The following ALDH8A1 variants were observed in gnomAD, a reference collection of about 807,000 sequenced individuals.
The protein encoded by ALDH8A1 is 2-aminomuconic semialdehyde dehydrogenase.
A neutral mutation model predicts 43.3 loss-of-function variants in ALDH8A1; 39 were observed. The observed-to-expected ratio is 0.90, with a 90% CI of 0.70 to 1.18. The LOEUF (loss-of-function observed/expected upper bound fraction) is 1.18. Among genes scored for constraint, ALDH8A1 ranks in the 50% most tolerant of loss-of-function variants. The probability of loss-of-function intolerance (pLI) is 0.00; values close to 1 mark genes in which losing one functional copy is unlikely to be tolerated. For missense variants in ALDH8A1, 605 were observed against 622.6 expected, an observed-to-expected ratio of 0.97 and a Z score of 0.30; for synonymous variants, 233 against 243.5, an observed-to-expected ratio of 0.96 and a Z score of 0.40.
intron 6 of ALDH8A1, among the ~76,000 whole-genome samples, chr6:134,921,054 G>A (rs371847971): frequency 1.4e-4 from 21 of 152,286 alleles, no homozygotes; most frequent in African/African-American, 4.3e-4. Flanking sequence ...TTAGCATGAC[G>A]CCTAGTACAT....
At position 134,939,386 on chromosome 6, in the gene ALDH8A1, G is replaced by A. The variant is rs148475686; in HGVS notation, c.472C>T (p.Leu158Phe). ...AGLISPWNLP[L>F]YLLTWKIAPA... ...GCTATCTTCCAGGTCAGCAAGTAGA[G>A]TGGCAAATTCCAGGGGCTGATCAGA... Residue 158 changes from leucine to phenylalanine, a missense_variant, in exon 4 of 7, where the codon CTC becomes TTC. Coordinates refer to ENST00000265605, the MANE Select transcript of ALDH8A1 (RefSeq NM_022568.4). 3.7e-6 allele frequency: 6 copies of A among 1,614,060 alleles called. No homozygotes were observed. The highest frequency in any genetic ancestry group is 2.7e-5 in the African/African-American group (2 of 74,932).
chr6:134,927,999 C>A (rs1776914810), intron 6 of ALDH8A1, among the ~76,000 whole-genome samples: 1 of 152,138 alleles, frequency 6.6e-6, no homozygotes, highest in Non-Finnish European at 1.5e-5. Flanking sequence ...TGCCTATGTA[C>A]CTGCAATCTT....
chr6:134,925,387 G>T (rs1195436368), intron 6 of ALDH8A1, among the ~76,000 whole-genome samples: 1 of 152,176 alleles, frequency 6.6e-6, no homozygotes. Flanking sequence ...TTGGAGAAAG[G>T]CTGGGTTTTA....
chr6:134,936,468 T>C (rs1433252414), intron 4 of ALDH8A1, among the ~76,000 whole-genome samples: 1 of 152,124 alleles, frequency 6.6e-6, no homozygotes, highest in Non-Finnish European at 1.5e-5. Context: ...CACAGTTTCC[T>C]GGGTAGGGCC....
chr6:134,937,855 G>A (rs1412065172), intron 4 of ALDH8A1, among the ~76,000 whole-genome samples: 2 of 152,016 alleles, frequency 1.3e-5, no homozygotes, highest in African/African-American at 2.4e-5. Flanking sequence ...GATATACCCC[G>A]CCCCACCCCC....
intron 4 of ALDH8A1, among the ~76,000 whole-genome samples, chr6:134,937,754 A>G (rs1360324224): frequency 6.6e-6 from 1 of 152,206 alleles, no homozygotes; most frequent in African/African-American, 2.4e-5. Flanking sequence ...GCGCCTTTGC[A>G]GACACCACAG....
At chr6:134,943,690 G>A (rs1392243107) in intron 2 of ALDH8A1, 129 bp downstream of exon 2, 3 of 1,390,372 alleles carry the variant, frequency 2.2e-6, no homozygotes, top group Middle Eastern at 2.2e-4. Context: ...AGCAGGGGAG[G>A]GTTTGCTCTC....
chr6:134,949,109 A>T (rs1006416943), intron 1 of ALDH8A1, among the ~76,000 whole-genome samples: 1 of 152,204 alleles, frequency 6.6e-6, no homozygotes, highest in Non-Finnish European at 1.5e-5. Context: ...TTATAGGAAG[A>T]CTATATTTTA....
rs1773903972 is a variant in ALDH8A1, at chr6:134,943,849, C to T, written c.256G>A (p.Glu86Lys). ...VADLLEQSLE[E>K]FAQAESKDQG... ...TCTTTAGACTCGGCCTGGGCAAACTCCTCCAGGGACTGCTCCAGCAAATCC... is the reference window on the plus strand; with the variant it reads ...TCTTTAGACTCGGCCTGGGCAAACTTCTCCAGGGACTGCTCCAGCAAATCC... Residue 86 changes from glutamate (E) to lysine (K), a missense_variant, in exon 2 of 7, where the codon GAG becomes AAG. Transcript: ENST00000265605. 4 of 1,614,228 alleles carry T rather than the reference C, an allele frequency of 2.5e-6. No homozygotes were observed. Among genetic ancestry groups the T allele is most frequent in the Middle Eastern group, 1.6e-4 (1 of 6,062 alleles).
At position 134,942,427 on chromosome 6, in the gene ALDH8A1, G is replaced by T. The variant is rs781744419; in HGVS notation, c.424C>A (p.Arg142=). The T allele has an allele frequency of 1.9e-6, 3 of 1,613,104 alleles. No individual in the cohort carries two copies. Among genetic ancestry groups the T allele is most frequent in the East Asian group, 4.5e-5 (2 of 44,880 alleles). ...DHLGCMHYTV[R]APVGVAGLIS... Reference sequence around the variant, plus strand: ...CACTCACCGACTCCCACCGGGGCCCGCACCGTGTAGTGCATGCAGCCCAGG... The same window carrying T: ...CACTCACCGACTCCCACCGGGGCCCTCACCGTGTAGTGCATGCAGCCCAGG... The change falls in exon 3 of 7, where the codon CGG becomes AGG. Residue 142 remains arginine (R), a synonymous_variant. Coordinates refer to ENST00000265605, the MANE Select transcript of ALDH8A1 (RefSeq NM_022568.4).
rs144258828 is a variant in ALDH8A1, at chr6:134,942,465, G to A, written c.386C>T (p.Thr129Met). ...CATGCAGCCCAGGTGGTCCATCTGCGTGCACTCTGACGTGTGGTGCAGGCT... is the reference window on the plus strand; with the variant it reads ...CATGCAGCCCAGGTGGTCCATCTGCATGCACTCTGACGTGTGGTGCAGGCT... ...SSSLHHTSEC[T>M]QMDHLGCMHY... The change falls in exon 3 of 7, where the codon ACG becomes ATG. Residue 129 changes from threonine (T) to methionine (M), a missense_variant. Coordinates refer to ENST00000265605, the MANE Select transcript of ALDH8A1 (RefSeq NM_022568.4). The A allele has an allele frequency of 5.3e-5, 85 of 1,614,148 alleles. No homozygotes were observed. The African/African-American group carries it at 6.0e-4, about 11-fold the overall frequency.
intron 6 of ALDH8A1, among the ~76,000 whole-genome samples, chr6:134,922,424 G>A (rs1417716331): frequency 1.3e-5 from 2 of 151,956 alleles, no homozygotes; most frequent in African/African-American, 4.8e-5. Context: ...GTCTCACTCT[G>A]TCACCCAGGC....
At chr6:134,919,071 T>C (rs1554218913) in intron 6 of ALDH8A1, among the ~76,000 whole-genome samples, 1 of 152,184 alleles carries the variant, frequency 6.6e-6, no homozygotes. Context: ...CTTTCATACA[T>C]AAGGGAGGGA....
At chr6:134,949,493 T>G (rs1774006577) in intron 1 of ALDH8A1, among the ~76,000 whole-genome samples, 1 of 152,214 alleles carries the variant, frequency 6.6e-6, no homozygotes, top group East Asian at 1.9e-4. Flanking sequence ...AGCCCACAGT[T>G]TTTTGCTTGT....
intron 6 of ALDH8A1, among the ~76,000 whole-genome samples, chr6:134,927,643 G>GA (rs1425582322): frequency 2.0e-5 from 3 of 151,642 alleles, no homozygotes; most frequent in Non-Finnish European, 4.4e-5. Context: ...GACTAAAATA[G>GA]AAAAAAAATG....
intron 1 of ALDH8A1, among the ~76,000 whole-genome samples, chr6:134,946,827 T>C (rs1773961328): frequency 6.6e-6 from 1 of 152,226 alleles, no homozygotes; most frequent in Non-Finnish European, 1.5e-5. Context: ...CAGGTGCACA[T>C]GCCCATGGAT....
At chr6:134,921,809 A>G (rs949336583) in intron 6 of ALDH8A1, among the ~76,000 whole-genome samples, 25 of 152,318 alleles carry the variant, frequency 1.6e-4, no homozygotes, top group Admixed American at 1.4e-3. Context: ...CTGGGGTAAC[A>G]TTAGGAAAGA....
rs201771229 is a variant in ALDH8A1 at position 134,929,246 on chromosome 6, C to A, written c.850-31G>T. 18 of 1,606,484 alleles carry A rather than the reference C, an allele frequency of 1.1e-5. No homozygotes were observed. In the East Asian group the frequency reaches 3.3e-4, roughly 30 times the overall value. On this transcript the variant is annotated intron_variant, in intron 5 of 6. Coordinates refer to ENST00000265605, the MANE Select transcript of ALDH8A1 (RefSeq NM_022568.4). ...AAGAATGAGAACAGGGATAAGGCTG[C>A]GGACACTCTCCTTCATGGATAGAGC... is the stretch of plus-strand genomic sequence containing the variant.
intron 6 of ALDH8A1, among the ~76,000 whole-genome samples, chr6:134,919,862 T>C (rs993541394): frequency 1.1e-4 from 16 of 152,188 alleles, no homozygotes; most frequent in Non-Finnish European, 1.8e-4. Context: ...GGTAATATTA[T>C]TCTATTATTA....
Sources: allele counts gnomAD v4.1 joint callset (sites outside exome capture counted in the v4.1 genomes callset), GRCh38; gene constraint gnomAD v4.1.1; transcripts MANE v1.5; gene names NCBI Gene and HGNC (gene_info 2026-07-23, HGNC 2026-07-21).